GRIN2D: variants seen among roughly 807,000 people sequenced by gnomAD.
The protein encoded by GRIN2D is glutamate ionotropic receptor NMDA type subunit 2D.
Under a neutral mutation model 103.2 loss-of-function variants are expected in GRIN2D, and 37 were observed. That is an observed-to-expected ratio of 0.36 (90% CI 0.28 to 0.47). The LOEUF is 0.47. GRIN2D is among the 20% of genes least tolerant of loss of function. The pLI is 1.00. For synonymous variants in GRIN2D, 845 were observed against 885.6 expected (o/e 0.95, Z 0.81); for missense variants, 1,557 against 1,910.6 (o/e 0.81, Z 3.45).
intron 3 of GRIN2D, among the ~76,000 whole-genome samples, chr19:48,400,101 G>T (rs1207263045): frequency 6.6e-6 from 1 of 152,216 alleles, no homozygotes; most frequent in African/African-American, 2.4e-5. Context: ...GGATGGTAGA[G>T]GCTGGAGCTG....
chr19:48,406,298 A>G (rs1220028552), intron 4 of GRIN2D, among the ~76,000 whole-genome samples: 2 of 152,238 alleles, frequency 1.3e-5, no homozygotes, highest in Non-Finnish European at 2.9e-5. Context: ...GGGAAATGTC[A>G]GTCCTAGCTG....
At chr19:48,400,413 T>G (rs1970697010) in intron 3 of GRIN2D, among the ~76,000 whole-genome samples, 1 of 152,230 alleles carries the variant, frequency 6.6e-6, no homozygotes, top group South Asian at 2.1e-4. Flanking sequence ...GGGAAGGACC[T>G]CTGTCCAACT....
At chr19:48,441,468 C>G (rs1971290994) in intron 11 of GRIN2D, among the ~76,000 whole-genome samples, 1 of 152,050 alleles carries the variant, frequency 6.6e-6, no homozygotes, top group African/African-American at 2.4e-5. Flanking sequence ...GTCCCTGCTA[C>G]TGGGGAGGCT....
chr19:48,404,851 C>T lies in GRIN2D; in HGVS notation c.583C>T (p.Pro195Ser). The T allele has an allele frequency of 6.2e-7, 1 of 1,614,202 alleles. No individual in the cohort carries two copies. The highest frequency in any genetic ancestry group is 8.5e-7 in the Non-Finnish European group (1 of 1,180,034). ...TSFVAVTTRAPGHRAFLSYIE... is the reference protein window; with the variant it reads ...TSFVAVTTRASGHRAFLSYIE... ...CTTTGTAGCCGTGACCACTCGTGCCCCTGGCCACCGGGCCTTCCTGTCCTA... is the reference window on the plus strand; with the variant it reads ...CTTTGTAGCCGTGACCACTCGTGCCTCTGGCCACCGGGCCTTCCTGTCCTA... Residue 195 changes from proline to serine, a missense_variant, in exon 4 of 14, where the codon CCT becomes TCT. Coordinates refer to ENST00000263269, the MANE Select transcript of GRIN2D (RefSeq NM_000836.4).
Position 48,443,446 on chromosome 19 carries a change from G to C in GRIN2D, c.3520G>C (p.Gly1174Arg). The part of the protein sequence containing the change: ...GSWDYLPPRS[G>R]PAAWHCRHCA... Reference sequence around the variant, plus strand: ...CTGGGACTACCTGCCCCCGCGCAGCGGTCCGGCCGCCTGGCACTGTCGGCA... The same window carrying C: ...CTGGGACTACCTGCCCCCGCGCAGCCGTCCGGCCGCCTGGCACTGTCGGCA... The change falls in exon 14 of 14, where the codon GGT becomes CGT. Residue 1174 changes from glycine to arginine, a missense_variant. Gly to Arg is a moderately radical substitution (Grantham distance 125). Transcript: ENST00000263269. This position sits in a 1 kb window ranked among gnomAD's most constrained non-coding sequence, Gnocchi z 8.9. 1 of 1,382,744 alleles carries C rather than the reference G, an allele frequency of 7.2e-7. No homozygotes were observed. Among genetic ancestry groups the C allele is most frequent in the Non-Finnish European group, 9.3e-7 (1 of 1,073,024 alleles). 85.7% of individuals were successfully genotyped at this position (1,382,744 alleles called of 1,614,324 possible).
intron 3 of GRIN2D, among the ~76,000 whole-genome samples, chr19:48,399,215 A>G (rs930450141): frequency 1.3e-5 from 2 of 152,180 alleles, no homozygotes; most frequent in South Asian, 2.1e-4. Flanking sequence ...ACTAGCCCCA[A>G]ATGGCAAAAT....
chr19:48,401,101 TAAACAA>T (rs1970706253), intron 3 of GRIN2D, among the ~76,000 whole-genome samples: 1 of 141,998 alleles, frequency 7.0e-6, no homozygotes, highest in Non-Finnish European at 1.5e-5. Context: ...AAAAAAACAA[TAAACAA>T]AAAGAACTCA....
intron 11 of GRIN2D, 78 bp downstream of exon 11, chr19:48,422,023 G>C: frequency 6.9e-7 from 1 of 1,446,156 alleles, no homozygotes; most frequent in East Asian, 2.3e-5. Context: ...AAGGGGTCCA[G>C]GTTCATTCAT....
At chr19:48,422,684 C>T (rs936229025) in intron 11 of GRIN2D, among the ~76,000 whole-genome samples, 1 of 152,012 alleles carries the variant, frequency 6.6e-6, no homozygotes, top group Non-Finnish European at 1.5e-5. Context: ...GTGCCCGGTG[C>T]ACTATAGGTG....
intron 2 of GRIN2D, among the ~76,000 whole-genome samples, chr19:48,395,724 G>A (rs1381449656): frequency 6.6e-6 from 1 of 152,058 alleles, no homozygotes; most frequent in African/African-American, 2.4e-5. Context: ...TGACTAGGGA[G>A]GCCAGAGCTC....
In GRIN2D at chr19:48,442,320, T is replaced by C. The variant is rs1229429201; in HGVS notation, c.2611T>C (p.Trp871Arg). The C allele has an allele frequency of 1.4e-5, 22 of 1,613,830 alleles. No individual in the cohort carries two copies. In the African/African-American group the frequency reaches 1.6e-4, roughly 12 times the overall value. Residue 871 changes from tryptophan to arginine, a missense_variant, in exon 13 of 14, where the codon TGG (tryptophan) becomes CGG (arginine). Coordinates refer to ENST00000263269, the MANE Select transcript of GRIN2D (RefSeq NM_000836.4). This position sits in a 1 kb window ranked among gnomAD's most constrained non-coding sequence, Gnocchi z 7.2. ...CTTCGCCTGGGAGCACCTGGTGTAC[T>C]GGCGCCTGCGGCACTGCCTGGGGCC... ...LVFAWEHLVY[W>R]RLRHCLGPTH...
chr19:48,419,539 T>A, intron 9 of GRIN2D, 46 bp from the exon 10 acceptor site: 2 of 1,470,780 alleles, frequency 1.4e-6, no homozygotes, highest in South Asian at 2.3e-5. Flanking sequence ...CCCTTCCTTA[T>A]TGAGAAGGGA....
chr19:48,419,956 A>G (rs1971000086), intron 10 of GRIN2D, 142 bp downstream of exon 10: 1 of 571,024 alleles, frequency 1.8e-6, no homozygotes, highest in Non-Finnish European at 3.1e-6. Flanking sequence ...TCTCTTCCCA[A>G]GGAGAATTCC....
At position 48,405,438 on chromosome 19, in the gene GRIN2D, G is replaced by A; in HGVS notation, c.1085+85G>A. 7.7e-7 allele frequency: 1 copy of A among 1,290,606 alleles called. No individual in the cohort carries two copies. The highest frequency in any genetic ancestry group is 1.0e-6 in the Non-Finnish European group (1 of 969,178). 79.9% of individuals were successfully genotyped at this position (1,290,606 alleles called of 1,614,324 possible). A position where few individuals can be genotyped will look rare whatever the true frequency, so the allele number is the denominator to read the frequency against. On this transcript the variant is annotated intron_variant, in intron 4 of 13. Transcript: ENST00000263269. The surrounding 1 kb of genome is among the most constrained non-coding windows in gnomAD (Gnocchi z 5.1). The stretch of plus-strand genomic sequence containing the variant: ...ATTCACTGAATGAGTGGCTCAAATG[G>A]GCCACATCTGCTCTTTGAGCCTCAG...
intron 2 of GRIN2D, among the ~76,000 whole-genome samples, chr19:48,397,459 C>T (rs1306823155): frequency 6.6e-6 from 1 of 151,990 alleles, no homozygotes; most frequent in Non-Finnish European, 1.5e-5. Context: ...CTATTTCTGT[C>T]CTCCTGTTTT....
At chr19:48,422,907 A>G (rs542312578) in intron 11 of GRIN2D, among the ~76,000 whole-genome samples, 2 of 152,160 alleles carry the variant, frequency 1.3e-5, no homozygotes, top group Non-Finnish European at 1.5e-5. Flanking sequence ...CCTGGCCAAC[A>G]TAGTGAAACC....
chr19:48,441,883 T>C lies in GRIN2D; in HGVS notation c.2367T>C (p.Tyr789=), dbSNP rs758194736. 14 of 1,613,564 alleles carry C rather than the reference T, an allele frequency of 8.7e-6. No homozygotes were observed. Among genetic ancestry groups the C allele is most frequent in the Non-Finnish European group, 1.1e-5 (13 of 1,180,022 alleles). ...GSGKVFATTG[Y]GIALHKGSRW... is the part of the protein sequence containing the mutation. ...GCAAGGTCTTCGCCACGACAGGCTA[T>C]GGCATCGCCCTGCACAAGGGCTCCC... Residue 789 remains tyrosine (Y), a synonymous_variant, in exon 12 of 14, where the codon TAT becomes TAC. Coordinates refer to ENST00000263269, the MANE Select transcript of GRIN2D (RefSeq NM_000836.4).
Position 48,405,096 on chromosome 19 carries a change from G to T in GRIN2D, c.828G>T (p.Gly276=), listed in dbSNP as rs1323109459. The T allele has an allele frequency of 2.5e-6, 4 of 1,595,574 alleles. No individual in the cohort carries two copies. The East Asian group carries it at 9.0e-5, about 36-fold the overall frequency. ...CTGGCTACGTCTGGTTCATGGTGGG[G>T]CCCCAGCTGGCTGGAGGCGGGGGCT... is the stretch of plus-strand genomic sequence containing the variant. ...TGSGYVWFMV[G]PQLAGGGGSG... is the part of the protein sequence containing the mutation. The change falls in exon 4 of 14, where the codon GGG becomes GGT. Residue 276 remains glycine (G), a synonymous_variant. Coordinates refer to ENST00000263269, the MANE Select transcript of GRIN2D (RefSeq NM_000836.4). This position sits in a 1 kb window ranked among gnomAD's most constrained non-coding sequence, Gnocchi z 5.1.
intron 8 of GRIN2D, 123 bp downstream of exon 8, chr19:48,416,278 C>T (rs897613956): frequency 1.3e-6 from 1 of 742,730 alleles, no homozygotes; most frequent in Non-Finnish European, 2.2e-6. Context: ...CGCTGTGCAA[C>T]TTCGGTGAAG....
Sources: allele counts gnomAD v4.1 joint callset (sites outside exome capture counted in the v4.1 genomes callset), GRCh38; gene constraint gnomAD v4.1.1; non-coding constraint Gnocchi (gnomAD v3.1); transcripts MANE v1.5; gene names NCBI Gene and HGNC (gene_info 2026-07-23, HGNC 2026-07-21).